Variants in ITPKB observed in about 807,000 individuals in gnomAD.
ITPKB encodes the protein inositol-trisphosphate 3-kinase B, also known as IP3 3-kinase B.
Under a neutral mutation model 69.4 loss-of-function variants are expected in ITPKB, and 13 were observed. That is an observed-to-expected ratio of 0.19 (90% CI 0.12 to 0.30). The LOEUF (loss-of-function observed/expected upper bound fraction) is 0.30. Among genes scored for constraint, ITPKB ranks in the 10% least tolerant of loss-of-function variants. The pLI, the probability that ITPKB is intolerant of heterozygous loss-of-function variation, is 1.00. For synonymous variants in ITPKB, 584 were observed against 513.7 expected, an observed-to-expected ratio of 1.14 and a Z score of -1.85; for missense variants, 1,240 against 1,250.5, an observed-to-expected ratio of 0.99 and a Z score of 0.13.
chr1:226,696,224 G>A (rs1656480260), intron 2 of ITPKB, among the ~76,000 whole-genome samples: 1 of 152,040 alleles, frequency 6.6e-6, no homozygotes, highest in African/African-American at 2.4e-5. Context: ...TGTGAAATGG[G>A]GATAATAATA....
intron 2 of ITPKB, among the ~76,000 whole-genome samples, chr1:226,649,477 CAT>C (rs527616060): frequency 7.7e-4 from 115 of 148,610 alleles, no homozygotes; most frequent in East Asian, 3.6e-3. Context: ...CATGTATGTG[CAT>C]ATGTGTGCAT....
At chr1:226,680,400 C>CCCAGAA (rs749399190) in intron 2 of ITPKB, among the ~76,000 whole-genome samples, 1 of 152,160 alleles carries the variant, frequency 6.6e-6, no homozygotes, top group African/African-American at 2.4e-5. Context: ...CTGAGGGCAT[C>CCCAGAA]CCAGAACCAG....
chr1:226,698,792 C>T (rs2102786104), intron 2 of ITPKB, among the ~76,000 whole-genome samples: 1 of 152,366 alleles, frequency 6.6e-6, no homozygotes, highest in South Asian at 2.1e-4. Context: ...CTGCTGACTG[C>T]ATAGTCACAG....
chr1:226,683,823 TC>T (rs1380353484), intron 2 of ITPKB, among the ~76,000 whole-genome samples: 1 of 151,912 alleles, frequency 6.6e-6, no homozygotes, highest in Non-Finnish European at 1.5e-5. Context: ...CCACCAAACA[TC>T]TTACAACATC....
intron 2 of ITPKB, among the ~76,000 whole-genome samples, chr1:226,692,484 T>C (rs1263096510): frequency 6.6e-6 from 1 of 152,218 alleles, no homozygotes; most frequent in Non-Finnish European, 1.5e-5. Flanking sequence ...GGGGGTAAAC[T>C]TCTAAAGAAA....
intron 2 of ITPKB, among the ~76,000 whole-genome samples, chr1:226,650,470 C>T (rs1050806582): frequency 1.3e-5 from 2 of 152,220 alleles, no homozygotes; most frequent in South Asian, 2.1e-4. Context: ...CTAGAGCCAG[C>T]GGAGGCATTT....
chr1:226,736,482 G>A lies in ITPKB; in HGVS notation c.977C>T (p.Pro326Leu), dbSNP rs1657769113. ...HRPQDLALTE[P>L]SGRARELEDL... Reference sequence around the variant, plus strand: ...CTCAAGCTCACGGGCTCTCCCAGACGGCTCAGTGAGGGCAAGATCCTGTGG... The same window carrying A: ...CTCAAGCTCACGGGCTCTCCCAGACAGCTCAGTGAGGGCAAGATCCTGTGG... The change falls in exon 2 of 8, where the codon CCG becomes CTG. Residue 326 changes from proline (P) to leucine (L), a missense_variant. Pro to Leu is a moderately conservative substitution (Grantham distance 98, BLOSUM62 -3). Transcript: ENST00000429204. 1 of 1,613,958 alleles carries A rather than the reference G, an allele frequency of 6.2e-7. No homozygotes were observed. Among genetic ancestry groups the A allele is most frequent in the African/African-American group, 1.3e-5 (1 of 75,080 alleles).
chr1:226,707,920 A>T (rs1656842908), intron 2 of ITPKB: 1 of 1,332,696 alleles, frequency 7.5e-7, no homozygotes, highest in Non-Finnish European at 9.9e-7. Context: ...AAGTCACTAA[A>T]GGGAGAAGAA....
chr1:226,640,961 C>T (rs1339882012), intron 5 of ITPKB, among the ~76,000 whole-genome samples: 1 of 152,192 alleles, frequency 6.6e-6, no homozygotes, highest in African/African-American at 2.4e-5. Context: ...GCTGCCCAAC[C>T]CTGACTCCAG....
chr1:226,684,111 T>A (rs1285640655), intron 2 of ITPKB, among the ~76,000 whole-genome samples: 1 of 152,006 alleles, frequency 6.6e-6, no homozygotes, highest in Non-Finnish European at 1.5e-5. Context: ...AGCACCCGAT[T>A]CTCTCCCACC....
chr1:226,667,241 G>A (rs1046543100), intron 2 of ITPKB, among the ~76,000 whole-genome samples: 8 of 152,158 alleles, frequency 5.3e-5, no homozygotes, highest in African/African-American at 1.9e-4. Flanking sequence ...GACTGGAAAT[G>A]GCCAGTTCAT....
chr1:226,680,386 A>G (rs1656052724), intron 2 of ITPKB, among the ~76,000 whole-genome samples: 1 of 152,214 alleles, frequency 6.6e-6, no homozygotes, highest in East Asian at 1.9e-4. Flanking sequence ...GGAGGTAGGG[A>G]AGCCTGAGGG....
intron 2 of ITPKB, among the ~76,000 whole-genome samples, chr1:226,726,686 ATT>A (rs907420062): frequency 6.8e-6 from 1 of 147,546 alleles, no homozygotes; most frequent in African/African-American, 2.5e-5. Flanking sequence ...AAATTCATAA[ATT>A]TTTTTTTTTT....
intron 2 of ITPKB, among the ~76,000 whole-genome samples, chr1:226,650,112 T>G (rs1669156551): frequency 2.6e-5 from 4 of 152,208 alleles, no homozygotes; most frequent in Admixed American, 2.6e-4. Context: ...TGGTTCCCAC[T>G]CCTTGCCCCG....
intron 2 of ITPKB, among the ~76,000 whole-genome samples, chr1:226,716,781 G>A (rs961785831): frequency 5.3e-5 from 8 of 152,182 alleles, no homozygotes; most frequent in African/African-American, 1.4e-4. Context: ...AGTGGGCCAC[G>A]GGGACTGGGT....
In ITPKB at chr1:226,637,806, A is replaced by G; in HGVS notation, c.2554-56T>C. 1.5e-6 allele frequency: 2 copies of G among 1,347,454 alleles called. No individual in the cohort carries two copies. Among genetic ancestry groups the G allele is most frequent in the Admixed American group, 1.8e-5 (1 of 57,112 alleles). 83.5% of individuals were successfully genotyped at this position (1,347,454 alleles called of 1,614,324 possible). ...GCGCCGCGTGGGGAAGGGCAGTGTC[A>G]GAACACCCATGCGGCCTCTAGTGGT... is the stretch of plus-strand genomic sequence containing the variant. On this transcript the variant is annotated intron_variant, in intron 6 of 7. Transcript: ENST00000429204. This position sits in a 1 kb window ranked among gnomAD's most constrained non-coding sequence, Gnocchi z 4.3.
chr1:226,721,997 G>C (rs1354727107), intron 2 of ITPKB, among the ~76,000 whole-genome samples: 1 of 151,406 alleles, frequency 6.6e-6, no homozygotes, highest in Non-Finnish European at 1.5e-5. Flanking sequence ...ATTTTTAGTA[G>C]ATACGGGATT....
At chr1:226,662,652 A>C (rs1669422237) in intron 2 of ITPKB, among the ~76,000 whole-genome samples, 1 of 152,250 alleles carries the variant, frequency 6.6e-6, no homozygotes. Flanking sequence ...TCTAAATCCA[A>C]AGCCAGAGTT....
At chr1:226,689,562 G>A (rs1423222113) in intron 2 of ITPKB, among the ~76,000 whole-genome samples, 5 of 135,328 alleles carry the variant, frequency 3.7e-5, no homozygotes, top group African/African-American at 1.4e-4. Flanking sequence ...TTGTCGGAAG[G>A]TTTTATTTGT....
Sources: allele counts gnomAD v4.1 joint callset (sites outside exome capture counted in the v4.1 genomes callset), GRCh38; gene constraint gnomAD v4.1.1; non-coding constraint Gnocchi (gnomAD v3.1); transcripts MANE v1.5; gene names NCBI Gene and HGNC (gene_info 2026-07-23, HGNC 2026-07-21).